The following TNRC6C variants were observed in gnomAD, a reference collection of about 807,000 sequenced individuals.
TNRC6C encodes trinucleotide repeat containing adaptor 6C.
TNRC6C carries 20 observed loss-of-function variants against 153.7 expected under a neutral mutation model. The observed-to-expected ratio is 0.13, with a 90% CI of 0.09 to 0.19. TNRC6C has a LOEUF of 0.19. Among genes scored for constraint, TNRC6C ranks in the 10% least tolerant of loss-of-function variants. The probability of loss-of-function intolerance (pLI) is 1.00; values close to 1 mark genes in which losing one functional copy is unlikely to be tolerated. For synonymous variants in TNRC6C, 811 were observed against 841.4 expected (o/e 0.96, Z 0.63); for missense variants, 1,987 against 2,172.0 (o/e 0.91, Z 1.69).
intron 1 of TNRC6C, among the ~76,000 whole-genome samples, chr17:77,991,157 G>T (rs2071243742): frequency 6.6e-6 from 1 of 152,172 alleles, no homozygotes; most frequent in African/African-American, 2.4e-5. Flanking sequence ...GCTATAGCAG[G>T]TAACTGATGA....
intron 3 of TNRC6C, among the ~76,000 whole-genome samples, chr17:78,054,694 G>A (rs577215574): frequency 6.6e-6 from 1 of 151,810 alleles, no homozygotes; most frequent in Non-Finnish European, 1.5e-5. Context: ...GCAGACTACT[G>A]TAGACTACTA....
At chr17:78,082,046 C>T (rs2073190135) in intron 10 of TNRC6C, among the ~76,000 whole-genome samples, 1 of 151,392 alleles carries the variant, frequency 6.6e-6, no homozygotes, top group African/African-American at 2.4e-5. Flanking sequence ...TGGCCTTTGA[C>T]ATTTCACCCA....
At chr17:78,050,225 C>T (rs1307457022) in exon 3 of TNRC6C, 8 of 1,537,530 alleles carry the variant, frequency 5.2e-6, no homozygotes, top group African/African-American at 2.8e-5. Context: ...TGGGCCAAAG[C>T]GGCATCTTCT....
upstream of TNRC6C, among the ~76,000 whole-genome samples, chr17:78,001,956 G>A: frequency 6.6e-6 from 1 of 152,114 alleles, no homozygotes; most frequent in Non-Finnish European, 1.5e-5. Flanking sequence ...AAAAAGTTCT[G>A]TGATTAAAAA....
At chr17:78,041,628 G>A (rs1186767464) in intron 2 of TNRC6C, among the ~76,000 whole-genome samples, 1 of 152,148 alleles carries the variant, frequency 6.6e-6, no homozygotes, top group African/African-American at 2.4e-5. Context: ...GTCCAGCAAT[G>A]GAATTTTGAA....
intron 1 of TNRC6C, among the ~76,000 whole-genome samples, chr17:77,995,242 G>A (rs796651733): frequency 6.6e-5 from 10 of 152,324 alleles, no homozygotes; most frequent in African/African-American, 2.2e-4. Context: ...CTGTGTTGAC[G>A]GAACTTGAAA....
At chr17:78,106,837 AT>A (rs1275228804) in exon 20 of TNRC6C, 1 of 148,882 alleles carries the variant, frequency 6.7e-6, no homozygotes, top group East Asian at 2.0e-4. Flanking sequence ...TGTGCATTAC[AT>A]TTTTTTAATT....
intron 2 of TNRC6C, among the ~76,000 whole-genome samples, chr17:78,046,855 A>C (rs1442408233): frequency 6.6e-6 from 1 of 152,234 alleles, no homozygotes; most frequent in Non-Finnish European, 1.5e-5. Flanking sequence ...CAAACGTGTC[A>C]TATAATTGAG....
At chr17:78,072,779 A>G (rs1224323605) in intron 6 of TNRC6C, among the ~76,000 whole-genome samples, 1 of 152,220 alleles carries the variant, frequency 6.6e-6, no homozygotes, top group Non-Finnish European at 1.5e-5. Context: ...AGTACTTACA[A>G]GGTTTTACTG....
chr17:77,999,926 T>C (rs1193375720), upstream of TNRC6C, among the ~76,000 whole-genome samples: 1 of 152,204 alleles, frequency 6.6e-6, no homozygotes, highest in East Asian at 1.9e-4. Context: ...ACCTTTGCCA[T>C]ATTTCAATGG....
intron 1 of TNRC6C, among the ~76,000 whole-genome samples, chr17:77,959,481 G>C (rs1405535240): frequency 6.6e-6 from 1 of 152,152 alleles, no homozygotes; most frequent in Non-Finnish European, 1.5e-5. Flanking sequence ...GGGCTGTGCA[G>C]ACGCCCGGTG....
intron 4 of TNRC6C, chr17:78,066,625 T>C (rs547881351): frequency 6.6e-6 from 1 of 152,334 alleles, no homozygotes; most frequent in Non-Finnish European, 1.5e-5. Flanking sequence ...CCCTTCTTCA[T>C]ATTCTTCCAA....
At chr17:78,050,367 A>G (rs771840384) in exon 3 of TNRC6C, 6 of 1,612,860 alleles carry the variant, frequency 3.7e-6, no homozygotes, top group Non-Finnish European at 5.1e-6. Context: ...TCCAGTTGCC[A>G]AGGAATGATC....
chr17:78,033,605 G>A (rs909933612), intron 2 of TNRC6C, among the ~76,000 whole-genome samples: 3 of 151,978 alleles, frequency 2.0e-5, no homozygotes, highest in Admixed American at 6.6e-5. Context: ...GGACGTGGAG[G>A]TTGCGGCGAG....
chr17:78,038,075 A>C (rs10512616), intron 2 of TNRC6C, among the ~76,000 whole-genome samples: 3 of 152,148 alleles, frequency 2.0e-5, no homozygotes, highest in African/African-American at 7.2e-5. Context: ...ATGCAAGACA[A>C]ATATAAGAAC....
At chr17:77,991,854 G>T (rs370972937) in intron 1 of TNRC6C, among the ~76,000 whole-genome samples, 5 of 152,310 alleles carry the variant, frequency 3.3e-5, no homozygotes, top group African/African-American at 9.6e-5. Context: ...ATACAGCGTG[G>T]TATGGATGCA....
chr17:78,036,564 G>A (rs2072182042), intron 2 of TNRC6C, among the ~76,000 whole-genome samples: 1 of 152,158 alleles, frequency 6.6e-6, no homozygotes, highest in Non-Finnish European at 1.5e-5. Flanking sequence ...TTTTAGCTGT[G>A]TAAGAATAGA....
At chr17:78,071,129 C>T in exon 6 of TNRC6C, 2 of 1,607,010 alleles carry the variant, frequency 1.2e-6, no homozygotes, top group Non-Finnish European at 1.7e-6. Context: ...GGATCATGAG[C>T]CGGCTGATCA....
intron 2 of TNRC6C, among the ~76,000 whole-genome samples, chr17:78,048,415 G>A (rs1402338199): frequency 1.3e-5 from 2 of 151,982 alleles, no homozygotes; most frequent in African/African-American, 2.4e-5. Flanking sequence ...ATATAATACT[G>A]TAACCTAATT....
Sources: allele counts gnomAD v4.1 joint callset (sites outside exome capture counted in the v4.1 genomes callset), GRCh38; gene constraint gnomAD v4.1.1; transcripts MANE v1.5; gene names NCBI Gene and HGNC (gene_info 2026-07-23, HGNC 2026-07-21).